LAMA2: variants seen among roughly 807,000 people sequenced by gnomAD.
The protein encoded by LAMA2 is laminin subunit alpha 2.
In LAMA2, 269 loss-of-function variants were observed where a neutral mutation model predicts 364.8. The ratio of observed to expected loss-of-function variants is 0.74; its 90% CI spans 0.67 to 0.82. LAMA2 has a LOEUF of 0.82. Ranked by LOEUF, LAMA2 falls within the 40% of genes least tolerant of loss-of-function variation. The pLI, the probability that LAMA2 is intolerant of heterozygous loss-of-function variation, is 0.00. For missense variants in LAMA2, 3,807 were observed against 3,873.2 expected, an observed-to-expected ratio of 0.98 and a Z score of 0.45; for synonymous variants, 1,379 against 1,370.6, an observed-to-expected ratio of 1.01 and a Z score of -0.14.
intron 1 of LAMA2, among the ~76,000 whole-genome samples, chr6:129,038,240 AC>A (rs1222850945): frequency 2.0e-5 from 3 of 152,110 alleles, no homozygotes; most frequent in African/African-American, 7.2e-5. Flanking sequence ...TTTTCCCTTC[AC>A]TTTTTTTCTA....
At chr6:129,501,835 A>G (rs1034322331) in intron 58 of LAMA2, among the ~76,000 whole-genome samples, 9 of 152,302 alleles carry the variant, frequency 5.9e-5, no homozygotes, top group African/African-American at 2.2e-4. Context: ...AGCCTTGATT[A>G]TTTATGGAGC....
At chr6:129,312,653 C>T (rs1415833115) in intron 22 of LAMA2, among the ~76,000 whole-genome samples, 1 of 152,246 alleles carries the variant, frequency 6.6e-6, no homozygotes, top group Non-Finnish European at 1.5e-5. Context: ...GGTTTCTGGA[C>T]GATCATATAT....
At chr6:129,280,205 G>A (rs528166631) in intron 18 of LAMA2, 58 bp downstream of exon 18, 31 of 1,074,248 alleles carry the variant, frequency 2.9e-5, no homozygotes, top group South Asian at 8.9e-5. Context: ...TTATAAAACC[G>A]CAGATACAAT....
In LAMA2 at chr6:128,953,710, T is replaced by A. The variant is rs114706479; in HGVS notation, c.112+70353T>A. ...AGAATGACGTTAGCTTATCAATATA[T>A]TATAATAAAATTGTGTTGACTAGTT... On this transcript the variant is annotated intron_variant, in intron 1 of 64. Coordinates refer to ENST00000421865, the MANE Select transcript of LAMA2 (RefSeq NM_000426.4). 7.2e-3 allele frequency among the ~76,000 whole-genome samples: 1,100 copies of A among 151,982 alleles called. 15 individuals are homozygous for A. Among genetic ancestry groups the A allele is most frequent in the Middle Eastern group, 0.024 (7 of 294 alleles).
Position 128,968,181 on chromosome 6 carries a change from A to T in LAMA2, c.113-81737A>T, listed in dbSNP as rs372434025. On this transcript the variant is annotated intron_variant, in intron 1 of 64. Coordinates refer to ENST00000421865, the MANE Select transcript of LAMA2 (RefSeq NM_000426.4). ...CTATTTTGTGAGGTCTTTATAAATG[A>T]CCACAATTAAGCTGTAGATGTACTC... Among the ~76,000 whole-genome samples, 227 of 152,334 alleles carry T rather than the reference A, an allele frequency of 1.5e-3. 1 individual carries two copies. Among genetic ancestry groups the T allele is most frequent in the South Asian group, 4.1e-3 (20 of 4,826 alleles).
chr6:129,037,692 G>T (rs1786744363), intron 1 of LAMA2, among the ~76,000 whole-genome samples: 1 of 148,454 alleles, frequency 6.7e-6, no homozygotes, highest in Non-Finnish European at 1.5e-5. Context: ...TTGAGACGGA[G>T]TCTCGCTCTG....
chr6:129,147,776 T>A (rs73599023), intron 6 of LAMA2, among the ~76,000 whole-genome samples: 3,681 of 152,126 alleles, frequency 0.024, 144 homozygotes, highest in African/African-American at 0.083. Flanking sequence ...AATATTGTAA[T>A]GCAAATGACA....
chr6:129,316,424 G>T (rs1774613667), intron 27 of LAMA2, among the ~76,000 whole-genome samples: 1 of 152,182 alleles, frequency 6.6e-6, no homozygotes, highest in Non-Finnish European at 1.5e-5. Context: ...AGTTTAAGAT[G>T]CCAGTCATAA....
chr6:129,505,243 A>G lies in LAMA2; in HGVS notation c.8591A>G (p.Asp2864Gly), dbSNP rs778258870. 4 of 1,613,902 alleles carry G rather than the reference A, an allele frequency of 2.5e-6. No individual in the cohort carries two copies. The highest frequency in any genetic ancestry group is 1.1e-5 in the South Asian group (1 of 91,078). Residue 2864 changes from aspartate to glycine, a missense_variant, in exon 61 of 65, where the codon GAT (aspartate) becomes GGT (glycine). Physicochemically the swap from Asp to Gly is moderately conservative, Grantham distance 94. Coordinates refer to ENST00000421865, the MANE Select transcript of LAMA2 (RefSeq NM_000426.4). ...AAGCAAGAAGGAATTCTTTATGTAGATGGGGCTTCCAACAGAACCATCAGT... is the reference window on the plus strand; with the variant it reads ...AAGCAAGAAGGAATTCTTTATGTAGGTGGGGCTTCCAACAGAACCATCAGT... The part of the protein sequence containing the change: ...RSKQEGILYV[D>G]GASNRTISPK...
Position 129,369,935 on chromosome 6 carries a change from T to G in LAMA2, c.4904T>G (p.Leu1635Arg). ...PQRAPERLIQ[L>R]AEGNLNTLVT... ...CGGGCCCCAGAGAGGCTTATTCAGC[T>G]GGCAGAGGGCAATCTGAATACACTC... Residue 1635 changes from leucine to arginine, a missense_variant, in exon 34 of 65, where the codon CTG (leucine) becomes CGG (arginine). Physicochemically the swap from Leu to Arg is moderately radical, Grantham distance 102. Around this residue, in one of 3 missense-constraint regions of LAMA2, gnomAD observed 3,333 missense variants for 3,345.7 expected, o/e 1.00. Transcript: ENST00000421865. The G allele has an allele frequency of 6.2e-7, 1 of 1,614,134 alleles. No individual in the cohort carries two copies. Among genetic ancestry groups the G allele is most frequent in the African/African-American group, 1.3e-5 (1 of 75,040 alleles).
In LAMA2 at chr6:129,177,690, G is replaced by A. The variant is rs369133977; in HGVS notation, c.1307-16G>A. On this transcript the variant is annotated splice_polypyrimidine_tract_variant and intron_variant, in intron 9 of 64. Coordinates refer to ENST00000421865, the MANE Select transcript of LAMA2 (RefSeq NM_000426.4). ...CTTGTTTTAGAAATGTTGATATGTG[G>A]CTCATCTTTCTTTAGGTTTGGCACC... The A allele has an allele frequency of 3.0e-5, 48 of 1,613,130 alleles. No individual in the cohort carries two copies. In the African/African-American group the frequency reaches 5.2e-4, roughly 17 times the overall value.
chr6:129,031,748 C>A (rs2114734426), intron 1 of LAMA2, among the ~76,000 whole-genome samples: 1 of 152,226 alleles, frequency 6.6e-6, no homozygotes, highest in Admixed American at 6.5e-5. Flanking sequence ...TTTTTATTTT[C>A]TGACAAAAGA....
At chr6:129,246,378 C>A (rs947791499) in intron 12 of LAMA2, among the ~76,000 whole-genome samples, 1 of 152,130 alleles carries the variant, frequency 6.6e-6, no homozygotes, top group Non-Finnish European at 1.5e-5. Context: ...AACTTGTGAA[C>A]CACCTTGAAT....
Position 129,391,659 on chromosome 6 carries a change from T to C in LAMA2, c.5234+6T>C. 3 of 1,610,326 alleles carry C rather than the reference T, an allele frequency of 1.9e-6. No homozygotes were observed. Among genetic ancestry groups the C allele is most frequent in the Non-Finnish European group, 2.5e-6 (3 of 1,176,984 alleles). ...ATTGCTGAAGATGAGTTGGTGTGAG[T>C]AGATGAGTTATTATTTTTTCTTTTG... On this transcript the variant is annotated splice_donor_region_variant and intron_variant, in intron 36 of 64. Coordinates refer to ENST00000421865, the MANE Select transcript of LAMA2 (RefSeq NM_000426.4).
intron 1 of LAMA2, among the ~76,000 whole-genome samples, chr6:128,961,138 G>A (rs1031941912): frequency 1.3e-5 from 2 of 150,754 alleles, no homozygotes; most frequent in Admixed American, 6.6e-5. Flanking sequence ...TGTTGAGAAC[G>A]GAGTATGAGC....
chr6:129,383,670 G>C (rs754421021), intron 35 of LAMA2, among the ~76,000 whole-genome samples: 8 of 152,134 alleles, frequency 5.3e-5, no homozygotes, highest in Non-Finnish European at 1.0e-4. Context: ...AACATCTGTT[G>C]CTTGGGATTT....
intron 51 of LAMA2, among the ~76,000 whole-genome samples, chr6:129,470,222 T>TG (rs562582482): frequency 3.2e-4 from 48 of 151,696 alleles, no homozygotes; most frequent in Middle Eastern, 3.4e-3. Flanking sequence ...GTAGATTGGG[T>TG]GGGGGGGTCA....
At position 129,154,712 on chromosome 6, in the gene LAMA2, G is replaced by A. The variant is rs201870611; in HGVS notation, c.1206+29G>A. 3.1e-6 allele frequency: 5 copies of A among 1,593,722 alleles called. 1 individual carries two copies. Among genetic ancestry groups the A allele is most frequent in the East Asian group, 2.2e-5 (1 of 44,738 alleles). Reference sequence around the variant, plus strand: ...AAGTATGCTTTTTCTTTCATAAAGAGTTATTTTTTTGCTTTTTCATACAAA... The same window carrying A: ...AAGTATGCTTTTTCTTTCATAAAGAATTATTTTTTTGCTTTTTCATACAAA... On this transcript the variant is annotated intron_variant, in intron 8 of 64. Transcript: ENST00000421865.
At chr6:129,295,764 T>C (rs1019181874) in intron 20 of LAMA2, among the ~76,000 whole-genome samples, 2 of 149,764 alleles carry the variant, frequency 1.3e-5, no homozygotes, top group African/African-American at 4.9e-5. Flanking sequence ...TGTGGATATA[T>C]AGATGTAAAT....
Sources: gnomAD v4.1 joint callset for allele counts (sites outside exome capture counted in the v4.1 genomes callset) on GRCh38, gnomAD v4.1.1 for gene constraint, gnomAD v4.1.1 regional missense constraint, MANE v1.5 for transcripts, NCBI Gene and HGNC (gene_info 2026-07-23, HGNC 2026-07-21) for gene names.